Variants in HMGB1 observed in about 807,000 individuals in gnomAD.
The protein encoded by HMGB1 is high mobility group box 1.
For missense variants in HMGB1, 79 were observed against 253.5 expected, an observed-to-expected ratio of 0.31 and a Z score of 4.67; for synonymous variants, 81 against 84.0, an observed-to-expected ratio of 0.96 and a Z score of 0.19.
At chr13:30,528,139 A>T (rs1888412209) in intron 1 of HMGB1, among the ~76,000 whole-genome samples, 1 of 152,234 alleles carries the variant, frequency 6.6e-6, no homozygotes, top group Admixed American at 6.5e-5. Flanking sequence ...GCCAGTGACC[A>T]GGCAACCCGT....
intron 1 of HMGB1, among the ~76,000 whole-genome samples, chr13:30,520,267 A>G (rs1200231968): frequency 6.6e-6 from 1 of 151,948 alleles, no homozygotes; most frequent in Non-Finnish European, 1.5e-5. Context: ...GGTTGCAGTG[A>G]GCCAAGATCG....
intron 1 of HMGB1, among the ~76,000 whole-genome samples, chr13:30,513,758 C>A (rs1174183231): frequency 6.6e-6 from 1 of 152,172 alleles, no homozygotes; most frequent in African/African-American, 2.4e-5. Context: ...TATGGATTAA[C>A]CCATTCACAA....
chr13:30,508,206 T>C (rs1296592721), intron 1 of HMGB1, among the ~76,000 whole-genome samples: 2 of 152,164 alleles, frequency 1.3e-5, no homozygotes, highest in African/African-American at 4.8e-5. Context: ...GTTTATACCA[T>C]GTCTTATGGA....
At chr13:30,555,330 C>T (rs1410094745) in intron 1 of HMGB1, among the ~76,000 whole-genome samples, 1 of 152,034 alleles carries the variant, frequency 6.6e-6, no homozygotes, top group East Asian at 1.9e-4. Context: ...CGTGAGCCAC[C>T]GCATTGGCCT....
At chr13:30,538,767 C>T (rs56724413) in intron 1 of HMGB1, among the ~76,000 whole-genome samples, 6 of 129,658 alleles carry the variant, frequency 4.6e-5, no homozygotes, top group African/African-American at 9.0e-5. Flanking sequence ...TTCTCTTTCT[C>T]TCTCTCTTTC....
intron 1 of HMGB1, among the ~76,000 whole-genome samples, chr13:30,478,851 TTTTTCTTTTC>T (rs369283288): frequency 4.1e-5 from 6 of 146,340 alleles, no homozygotes; most frequent in South Asian, 2.2e-4. Context: ...CCCAATTTCT[TTTTTCTTTTC>T]TTTTCTTTTC....
chr13:30,521,618 T>C (rs1443204901), intron 1 of HMGB1, among the ~76,000 whole-genome samples: 1 of 152,246 alleles, frequency 6.6e-6, no homozygotes, highest in Non-Finnish European at 1.5e-5. Flanking sequence ...CACTCATCAG[T>C]TGATGGACAC....
At chr13:30,578,372 T>C (rs1272393556) in intron 1 of HMGB1, among the ~76,000 whole-genome samples, 1 of 123,246 alleles carries the variant, frequency 8.1e-6, no homozygotes, top group South Asian at 2.6e-4. Flanking sequence ...CTTGTTCTTT[T>C]TTTTTTTTTT....
chr13:30,568,925 C>G (rs900753472), intron 1 of HMGB1, among the ~76,000 whole-genome samples: 7 of 152,190 alleles, frequency 4.6e-5, no homozygotes, highest in Non-Finnish European at 7.3e-5. Flanking sequence ...ACCTATAACC[C>G]CAGCACTTTG....
chr13:30,487,401 G>A (rs1306132759), intron 1 of HMGB1, among the ~76,000 whole-genome samples: 1 of 152,240 alleles, frequency 6.6e-6, no homozygotes, highest in African/African-American at 2.4e-5. Context: ...TTTATGTGGT[G>A]ATCGAATGGG....
rs1281437360 is a variant in HMGB1, at chr13:30,530,421, T to C, written c.-14-66727A>G. On this transcript the variant is annotated intron_variant, in intron 1 of 4. Transcript: ENST00000405805. Reference sequence around the variant, plus strand: ...CTCAACTTGTGCAGGTAAAAGTGTGTAGGGGAAAAGGAACTCATACATGTA... The same window carrying C: ...CTCAACTTGTGCAGGTAAAAGTGTGCAGGGGAAAAGGAACTCATACATGTA... 4.6e-5 allele frequency among the ~76,000 whole-genome samples: 7 copies of C among 152,318 alleles called. No individual in the cohort carries two copies. The East Asian group carries it at 1.3e-3, about 29-fold the overall frequency.
At chr13:30,503,268 C>T (rs546334911) in intron 1 of HMGB1, among the ~76,000 whole-genome samples, 1 of 151,910 alleles carries the variant, frequency 6.6e-6, no homozygotes, top group African/African-American at 2.4e-5. Context: ...GGCGTGAACC[C>T]GGGAGGTGGA....
intron 1 of HMGB1, among the ~76,000 whole-genome samples, chr13:30,558,759 C>A (rs1869805283): frequency 6.6e-6 from 1 of 152,186 alleles, no homozygotes; most frequent in African/African-American, 2.4e-5. Context: ...CCTTATTCCC[C>A]TAGAGCAATA....
intron 1 of HMGB1, among the ~76,000 whole-genome samples, chr13:30,503,656 T>C (rs1272256766): frequency 1.3e-5 from 2 of 149,314 alleles, no homozygotes; most frequent in Non-Finnish European, 3.0e-5. Context: ...TCTTTTTTTT[T>C]TTTTTTTTTT....
chr13:30,498,956 G>GTT (rs56376029), intron 1 of HMGB1, among the ~76,000 whole-genome samples: 70 of 140,944 alleles, frequency 5.0e-4, no homozygotes, highest in African/African-American at 1.8e-3. Flanking sequence ...CCTCTTTTTT[G>GTT]TTTTTTTTTT....
At chr13:30,491,060 C>A (rs1887479980) in intron 1 of HMGB1, among the ~76,000 whole-genome samples, 1 of 151,774 alleles carries the variant, frequency 6.6e-6, no homozygotes, top group Admixed American at 6.6e-5. Context: ...CGGAGTTTCG[C>A]TCTTGTTGCC....
At chr13:30,535,906 CA>C (rs1208850178) in intron 1 of HMGB1, among the ~76,000 whole-genome samples, 1 of 152,058 alleles carries the variant, frequency 6.6e-6, no homozygotes, top group Non-Finnish European at 1.5e-5. Context: ...AAAACTGAAA[CA>C]AAAATAAACC....
At chr13:30,606,809 T>C (rs1355964165) in intron 1 of HMGB1, among the ~76,000 whole-genome samples, 3 of 152,222 alleles carry the variant, frequency 2.0e-5, no homozygotes. Flanking sequence ...AAAGAATGTT[T>C]AGGCATTGTC....
intron 1 of HMGB1, among the ~76,000 whole-genome samples, chr13:30,579,848 AGG>A (rs1870826627): frequency 6.6e-6 from 1 of 152,228 alleles, no homozygotes. Flanking sequence ...TGGGGTTAAA[AGG>A]TCATTGCTGG....
Sources: allele counts gnomAD v4.1 joint callset (sites outside exome capture counted in the v4.1 genomes callset), GRCh38; gene constraint gnomAD v4.1.1; transcripts MANE v1.5; gene names NCBI Gene and HGNC (gene_info 2026-07-23, HGNC 2026-07-21).